Variants in PDPK1 observed in about 807,000 individuals in gnomAD.
The protein encoded by PDPK1 is 3-phosphoinositide dependent protein kinase 1, also known as 3-phosphoinositide-dependent protein kinase 1.
Under a neutral mutation model 39.8 loss-of-function variants are expected in PDPK1, and 7 were observed. That is an observed-to-expected ratio of 0.18 (90% CI 0.10 to 0.33). PDPK1 has a LOEUF of 0.33. Among genes scored for constraint, PDPK1 ranks in the 10% least tolerant of loss-of-function variants. The probability of loss-of-function intolerance (pLI) is 1.00; values close to 1 mark genes in which losing one functional copy is unlikely to be tolerated. For synonymous variants in PDPK1, 118 were observed against 159.1 expected (o/e 0.74, Z 1.95); for missense variants, 182 against 384.7 (o/e 0.47, Z 4.41).
intron 1 of PDPK1, among the ~76,000 whole-genome samples, chr16:2,546,619 C>T (rs1330012983): frequency 2.6e-5 from 4 of 152,196 alleles, no homozygotes; most frequent in Non-Finnish European, 5.9e-5. Context: ...TGTGAACCAC[C>T]GTGCCCGGCC....
intron 1 of PDPK1, among the ~76,000 whole-genome samples, chr16:2,552,467 T>C (rs1241441385): frequency 6.6e-6 from 1 of 151,682 alleles, no homozygotes; most frequent in Admixed American, 6.6e-5. Flanking sequence ...AGAGGTGTGG[T>C]TGGGGGCTCG....
At chr16:2,589,496 T>G (rs1289389759) in intron 11 of PDPK1, among the ~76,000 whole-genome samples, 4 of 152,022 alleles carry the variant, frequency 2.6e-5, no homozygotes, top group Admixed American at 6.6e-5. Flanking sequence ...GAGAGCAGCC[T>G]GGGCAAGAAA....
In PDPK1 at chr16:2,599,073, G is replaced by T. The variant is rs1192671331; in HGVS notation, c.*1306G>T. 3.0e-5 allele frequency: 7 copies of T among 233,310 alleles called. No individual in the cohort carries two copies. The highest frequency in any genetic ancestry group is 5.9e-5 in the Non-Finnish European group (7 of 118,174). 14.5% of individuals were successfully genotyped at this position (233,310 alleles called of 1,614,324 possible). On this transcript the variant is annotated 3_prime_UTR_variant, in exon 14 of 14. Coordinates refer to ENST00000342085, the MANE Select transcript of PDPK1 (RefSeq NM_002613.5). ...GGCCATTTCCCTTTGATGCTTTGGT[G>T]GCCTTGCCCCGCTCTGCAGCACAGA...
At chr16:2,545,669 A>G (rs2066329574) in intron 1 of PDPK1, among the ~76,000 whole-genome samples, 1 of 151,894 alleles carries the variant, frequency 6.6e-6, no homozygotes, top group South Asian at 2.1e-4. Context: ...TAATTTTTAT[A>G]TTTTCAGTAG....
intron 11 of PDPK1, chr16:2,592,855 T>C (rs1300748252): frequency 4.4e-6 from 2 of 456,390 alleles, no homozygotes; most frequent in African/African-American, 2.0e-5. Flanking sequence ...TCCATTTCAT[T>C]GTCTCTCTCA....
rs866383239 is a variant in PDPK1 at position 2,599,870 on chromosome 16, C to T, written c.*2103C>T. ...GGCTGGGCTGCTTGGGGAGACTCTTCCGTGCGTTCTTCCTCTGGATAGAAC... is the reference window on the plus strand; with the variant it reads ...GGCTGGGCTGCTTGGGGAGACTCTTTCGTGCGTTCTTCCTCTGGATAGAAC... On this transcript the variant is annotated 3_prime_UTR_variant, in exon 14 of 14. Transcript: ENST00000342085. 4.3e-6 allele frequency: 1 copy of T among 233,662 alleles called. No homozygotes were observed. The highest frequency in any genetic ancestry group is 2.2e-5 in the African/African-American group (1 of 45,358). The allele number at this position is 233,662 out of a possible 1,614,324, so 14.5% of individuals were successfully genotyped here.
Position 2,580,458 on chromosome 16 carries a change from G to A in PDPK1, c.786-837G>A, listed in dbSNP as rs1055640712. On this transcript the variant is annotated intron_variant, in intron 7 of 13. Transcript: ENST00000342085. ...TCCTCGGTGTGGATTTCAGGAAGTG[G>A]CATGACTTGTTCTAACTGAACGTTT... 3.5e-5 allele frequency among the ~76,000 whole-genome samples: 5 copies of A among 141,974 alleles called. 1 individual carries two copies. Among genetic ancestry groups the A allele is most frequent in the South Asian group, 4.7e-4 (2 of 4,288 alleles). The allele number at this position is 141,974 out of a possible 152,430, so 93.1% of individuals were successfully genotyped here.
chr16:2,601,819 C>T lies in PDPK1; in HGVS notation c.*4052C>T, dbSNP rs2067222895. 4.4e-6 allele frequency: 1 copy of T among 227,638 alleles called. No homozygotes were observed. Among genetic ancestry groups the T allele is most frequent in the African/African-American group, 2.3e-5 (1 of 44,338 alleles). 14.1% of individuals were successfully genotyped at this position (227,638 alleles called of 1,614,324 possible). Reference sequence around the variant, plus strand: ...AGATTTCAGGCCGCCCCCCCCAACTCCCTGCCCACAGTGTTGCAGATTGCC... The same window carrying T: ...AGATTTCAGGCCGCCCCCCCCAACTTCCTGCCCACAGTGTTGCAGATTGCC... On this transcript the variant is annotated 3_prime_UTR_variant, in exon 14 of 14. Coordinates refer to ENST00000342085, the MANE Select transcript of PDPK1 (RefSeq NM_002613.5).
At chr16:2,587,316 G>A (rs1167842059) in intron 11 of PDPK1, among the ~76,000 whole-genome samples, 2 of 152,228 alleles carry the variant, frequency 1.3e-5, no homozygotes, top group African/African-American at 4.8e-5. Context: ...TTCAGGGCTG[G>A]GGATCTGTCG....
chr16:2,585,364 G>T (rs2066846180), intron 10 of PDPK1, among the ~76,000 whole-genome samples: 1 of 152,192 alleles, frequency 6.6e-6, no homozygotes, highest in Non-Finnish European at 1.5e-5. Flanking sequence ...CCTCACACGG[G>T]GACAGTGAGT....
chr16:2,541,073 C>T (rs1164787846), intron 1 of PDPK1, among the ~76,000 whole-genome samples: 1 of 152,146 alleles, frequency 6.6e-6, no homozygotes, highest in Non-Finnish European at 1.5e-5. Flanking sequence ...CAAGCTGAGT[C>T]TAGAGCTGGC....
At chr16:2,546,450 C>T (rs1268712368) in intron 1 of PDPK1, among the ~76,000 whole-genome samples, 1 of 152,226 alleles carries the variant, frequency 6.6e-6, no homozygotes, top group Non-Finnish European at 1.5e-5. Context: ...TCTCCTGCCT[C>T]AGCCTCATGA....
Position 2,597,306 on chromosome 16 carries a change from A to G in PDPK1, c.1554+31A>G, listed in dbSNP as rs1383828200. On this transcript the variant is annotated intron_variant, in intron 13 of 13. Coordinates refer to ENST00000342085, the MANE Select transcript of PDPK1 (RefSeq NM_002613.5). This position sits in a 1 kb window ranked among gnomAD's most constrained non-coding sequence, Gnocchi z 6.3. ...TCTGTTCCCAGGGATTTCTGTGTGC[A>G]GGGTAATGGGAGGGCTTTGCACCAC... is the stretch of plus-strand genomic sequence containing the variant. 3 of 1,554,880 alleles carry G rather than the reference A, an allele frequency of 1.9e-6. No homozygotes were observed. The highest frequency in any genetic ancestry group is 1.4e-5 in the African/African-American group (1 of 73,402).
intron 1 of PDPK1, among the ~76,000 whole-genome samples, chr16:2,552,202 A>G (rs1258360647): frequency 6.9e-6 from 1 of 145,722 alleles, no homozygotes; most frequent in Admixed American, 6.9e-5. Flanking sequence ...GGACTCCTGG[A>G]CTCAAGCCAT....
chr16:2,553,327 C>T (rs1233027122), intron 1 of PDPK1, among the ~76,000 whole-genome samples: 1 of 139,226 alleles, frequency 7.2e-6, no homozygotes, highest in Non-Finnish European at 1.5e-5. Flanking sequence ...CACCACCGTG[C>T]CTGGCTCTTT....
At position 2,593,347 on chromosome 16, in the gene PDPK1, C is replaced by A; in HGVS notation, c.1344-2446C>A. 1 of 335,584 alleles carries A rather than the reference C, an allele frequency of 3.0e-6. No individual in the cohort carries two copies. The highest frequency in any genetic ancestry group is 2.3e-5 in the South Asian group (1 of 43,854). The allele number at this position is 335,584 out of a possible 1,614,324, so 20.8% of individuals were successfully genotyped here. Reference sequence around the variant, plus strand: ...GTGGGGTGCAGCTGATGGCCCATGGCGGCTGTATCTGGAAGTCCTTTCCCG... The same window carrying A: ...GTGGGGTGCAGCTGATGGCCCATGGAGGCTGTATCTGGAAGTCCTTTCCCG... On this transcript the variant is annotated intron_variant, in intron 11 of 13. Transcript: ENST00000342085. This position sits in a 1 kb window ranked among gnomAD's most constrained non-coding sequence, Gnocchi z 4.2.
intron 11 of PDPK1, among the ~76,000 whole-genome samples, chr16:2,591,049 G>A (rs1424091666): frequency 6.7e-6 from 1 of 148,528 alleles, no homozygotes; most frequent in African/African-American, 2.5e-5. Context: ...TGCAACCTCC[G>A]CCTCCCAGGT....
chr16:2,586,959 G>A (rs2066889776), intron 11 of PDPK1, 66 bp downstream of exon 11: 4 of 1,408,754 alleles, frequency 2.8e-6, no homozygotes, highest in Non-Finnish European at 4.0e-6. Flanking sequence ...GGGGGCTTAT[G>A]GTGGGTGCCT....
At chr16:2,591,126 C>G (rs571517453) in intron 11 of PDPK1, among the ~76,000 whole-genome samples, 3 of 152,246 alleles carry the variant, frequency 2.0e-5, no homozygotes, top group Admixed American at 2.0e-4. Context: ...CCACACCCGG[C>G]TGAGTTTTGT....
Sources: gnomAD v4.1 joint callset for allele counts (sites outside exome capture counted in the v4.1 genomes callset) on GRCh38, gnomAD v4.1.1 for gene constraint, Gnocchi (gnomAD v3.1) non-coding constraint, MANE v1.5 for transcripts, NCBI Gene and HGNC (gene_info 2026-07-23, HGNC 2026-07-21) for gene names.